APBA2: variants seen among roughly 807,000 people sequenced by gnomAD.
APBA2 encodes the protein amyloid beta precursor protein binding family A member 2.
APBA2 carries 30 observed loss-of-function variants against 75.0 expected under a neutral mutation model. The observed-to-expected ratio is 0.40, with a 90% CI of 0.30 to 0.54. The LOEUF is 0.54. Ranked by LOEUF, APBA2 falls within the 20% of genes least tolerant of loss-of-function variation. The pLI, the probability that APBA2 is intolerant of heterozygous loss-of-function variation, is 0.49. For missense variants in APBA2, 801 were observed against 1,016.1 expected, an observed-to-expected ratio of 0.79 and a Z score of 2.88; for synonymous variants, 444 against 409.6, an observed-to-expected ratio of 1.08 and a Z score of -1.01.
rs185654982 is a variant in APBA2 at position 28,959,720 on chromosome 15, G to A, written c.-94-36033G>A. 1.2e-3 allele frequency among the ~76,000 whole-genome samples: 188 copies of A among 152,346 alleles called. 1 individual carries two copies. The highest frequency in any genetic ancestry group is 4.3e-3 in the African/African-American group (177 of 41,576). On this transcript the variant is annotated intron_variant, in intron 2 of 14. Transcript: ENST00000683413. Reference sequence around the variant, plus strand: ...CAGTGTCAGCAGTTCCAGTTTTTAAGCAATCTTCATGGACTGCTCCCGAAG... The same window carrying A: ...CAGTGTCAGCAGTTCCAGTTTTTAAACAATCTTCATGGACTGCTCCCGAAG...
At chr15:29,104,387 A>G (rs752051749) in intron 10 of APBA2, among the ~76,000 whole-genome samples, 2 of 152,218 alleles carry the variant, frequency 1.3e-5, no homozygotes, top group South Asian at 4.1e-4. Context: ...AGGGCTGCAC[A>G]GCTGCCAGCC....
intron 6 of APBA2, among the ~76,000 whole-genome samples, chr15:29,088,609 T>C (rs3902230): frequency 1.3e-5 from 2 of 152,206 alleles, no homozygotes; most frequent in Non-Finnish European, 2.9e-5. Context: ...ACCCTGTCCG[T>C]ACCATCATCA....
intron 14 of APBA2, among the ~76,000 whole-genome samples, chr15:29,116,268 C>T (rs964228369): frequency 1.6e-4 from 24 of 152,260 alleles, no homozygotes; most frequent in Non-Finnish European, 2.6e-4. Context: ...ACTTGAGGTG[C>T]CCTGGGCCCC....
At chr15:29,113,353 G>GT (rs2044848494) in intron 13 of APBA2, among the ~76,000 whole-genome samples, 1 of 151,600 alleles carries the variant, frequency 6.6e-6, no homozygotes, top group Admixed American at 6.6e-5. Context: ...TCACTTGGCG[G>GT]GGGGGGGATG....
chr15:29,017,271 C>A (rs564244063), intron 3 of APBA2, among the ~76,000 whole-genome samples: 1 of 151,970 alleles, frequency 6.6e-6, no homozygotes, highest in African/African-American at 2.4e-5. Context: ...ATTTTAATTT[C>A]TCCATTTTCT....
intron 3 of APBA2, among the ~76,000 whole-genome samples, chr15:28,996,579 A>G (rs996710534): frequency 1.3e-5 from 2 of 152,190 alleles, no homozygotes; most frequent in Admixed American, 6.5e-5. Context: ...GAGACACACA[A>G]GGCAGCGGCT....
At chr15:28,891,343 T>C (rs946352666) in intron 1 of APBA2, among the ~76,000 whole-genome samples, 2 of 151,922 alleles carry the variant, frequency 1.3e-5, no homozygotes, top group African/African-American at 4.8e-5. Flanking sequence ...CTGGAGAGAG[T>C]GTGAGGCCCA....
intron 2 of APBA2, among the ~76,000 whole-genome samples, chr15:28,977,853 A>G (rs918013329): frequency 5.3e-5 from 8 of 152,162 alleles, no homozygotes; most frequent in Middle Eastern, 3.4e-3. Context: ...TGTCTCTCCC[A>G]TACAGTCGGG....
intron 2 of APBA2, among the ~76,000 whole-genome samples, chr15:28,993,751 C>T (rs755164976): frequency 3.3e-5 from 5 of 152,176 alleles, no homozygotes; most frequent in Non-Finnish European, 7.3e-5. Flanking sequence ...TGGAGACTCG[C>T]AGACTCTGGG....
chr15:29,041,330 A>C (rs2041030845), intron 3 of APBA2, among the ~76,000 whole-genome samples: 1 of 151,936 alleles, frequency 6.6e-6, no homozygotes, highest in Non-Finnish European at 1.5e-5. Context: ...TAAATAAATA[A>C]AATTTTGCTG....
chr15:29,071,388 C>T (rs755380104), intron 4 of APBA2, among the ~76,000 whole-genome samples: 11 of 151,856 alleles, frequency 7.2e-5, no homozygotes, highest in African/African-American at 1.7e-4. Context: ...CGGGGACACA[C>T]GCTGATTCTC....
intron 2 of APBA2, among the ~76,000 whole-genome samples, chr15:28,973,836 G>A (rs548662810): frequency 6.6e-6 from 1 of 152,224 alleles, no homozygotes; most frequent in Non-Finnish European, 1.5e-5. Flanking sequence ...ACATTGTTTG[G>A]TATACAAGAA....
chr15:28,984,191 C>G (rs80023624), intron 2 of APBA2, among the ~76,000 whole-genome samples: 1,550 of 152,020 alleles, frequency 0.01, 25 homozygotes, highest in African/African-American at 0.036. Flanking sequence ...AGCAAGCTCT[C>G]GAGGCGTTAT....
At chr15:28,905,012 T>C (rs531410726) in intron 1 of APBA2, among the ~76,000 whole-genome samples, 11 of 152,244 alleles carry the variant, frequency 7.2e-5, no homozygotes, top group African/African-American at 2.4e-4. Context: ...CTTTTGAACA[T>C]GTCTTATTTT....
chr15:28,968,003 A>G (rs2036833840), intron 2 of APBA2, among the ~76,000 whole-genome samples: 2 of 152,214 alleles, frequency 1.3e-5, no homozygotes, highest in African/African-American at 4.8e-5. Flanking sequence ...CTGGCTGTGA[A>G]TTTGACTCTT....
At chr15:29,088,380 A>C (rs2043390766) in intron 6 of APBA2, among the ~76,000 whole-genome samples, 1 of 152,204 alleles carries the variant, frequency 6.6e-6, no homozygotes, top group South Asian at 2.1e-4. Flanking sequence ...CCAGCCGCCT[A>C]CTGAGCATCC....
intron 1 of APBA2, among the ~76,000 whole-genome samples, chr15:28,908,385 A>G (rs2152644597): frequency 6.7e-6 from 1 of 149,442 alleles, no homozygotes; most frequent in Admixed American, 6.6e-5. Flanking sequence ...ATCTCGGCTC[A>G]CTGCAAGCTC....
rs576057669 is a variant in APBA2 at position 29,000,883 on chromosome 15, G to A, written c.-41+5077G>A. ...ATCATTCCCTGTGTGAAATGAGTAGGATTTCTGAATGAGCCAGGCTTTGCA... is the reference window on the plus strand; with the variant it reads ...ATCATTCCCTGTGTGAAATGAGTAGAATTTCTGAATGAGCCAGGCTTTGCA... On this transcript the variant is annotated intron_variant, in intron 3 of 14. Coordinates refer to ENST00000683413, the MANE Select transcript of APBA2 (RefSeq NM_001353788.2). 8.0e-4 allele frequency among the ~76,000 whole-genome samples: 122 copies of A among 152,304 alleles called. No individual in the cohort carries two copies. In the South Asian group the frequency reaches 0.016, roughly 19 times the overall value.
At chr15:29,098,444 T>C (rs894498162) in intron 8 of APBA2, 46 bp from the exon 9 acceptor site, 1 of 1,377,876 alleles carries the variant, frequency 7.3e-7, no homozygotes, top group African/African-American at 1.4e-5. Context: ...TGTCCTCTAT[T>C]CCGAGTTGGT....
Sources: gnomAD v4.1 joint callset for allele counts (sites outside exome capture counted in the v4.1 genomes callset) on GRCh38, gnomAD v4.1.1 for gene constraint, MANE v1.5 for transcripts, NCBI Gene and HGNC (gene_info 2026-07-23, HGNC 2026-07-21) for gene names.